The following CCDC171 variants were observed in gnomAD, a reference collection of about 807,000 sequenced individuals.
The protein encoded by CCDC171 is coiled-coil domain containing 171.
A neutral mutation model predicts 168.2 loss-of-function variants in CCDC171; 177 were observed. The ratio of observed to expected loss-of-function variants is 1.05; its 90% CI spans 0.93 to 1.19. The LOEUF is 1.19. Ranked by LOEUF, CCDC171 falls within the 50% of genes most tolerant of loss-of-function variation. The probability of loss-of-function intolerance (pLI) is 0.00; values close to 1 mark genes in which losing one functional copy is unlikely to be tolerated. For synonymous variants in CCDC171, 687 were observed against 540.8 expected (o/e 1.27, Z -3.75); for missense variants, 1,991 against 1,539.0 (o/e 1.29, Z -4.91).
intron 2 of CCDC171, among the ~76,000 whole-genome samples, 160 bp from the exon 3 acceptor site, chr9:15,571,464 C>G (rs1033006278): frequency 2.0e-5 from 3 of 152,064 alleles, no homozygotes; most frequent in Admixed American, 1.3e-4. Flanking sequence ...TTCTACATAG[C>G]TTTTGCAGTG....
intron 3 of CCDC171, 67 bp from the exon 4 acceptor site, chr9:15,578,782 C>A: frequency 7.7e-7 from 1 of 1,302,160 alleles, no homozygotes; most frequent in Non-Finnish European, 1.1e-6. Context: ...CTCTAAGAAA[C>A]TTAAATGTTT....
At chr9:15,913,692 A>T (rs1824054224) in intron 24 of CCDC171, among the ~76,000 whole-genome samples, 1 of 152,050 alleles carries the variant, frequency 6.6e-6, no homozygotes, top group Non-Finnish European at 1.5e-5. Flanking sequence ...CTTGCTGGCG[A>T]GGAGTTGTGA....
chr9:15,910,869 C>G (rs1292521452), intron 24 of CCDC171, among the ~76,000 whole-genome samples: 1 of 152,134 alleles, frequency 6.6e-6, no homozygotes, highest in Admixed American at 6.5e-5. Context: ...CTGCAGAGGA[C>G]ATGAAATCAT....
chr9:15,668,031 G>C (rs1413330959), intron 9 of CCDC171, among the ~76,000 whole-genome samples: 2 of 152,082 alleles, frequency 1.3e-5, no homozygotes, highest in African/African-American at 4.8e-5. Flanking sequence ...TATTTGAAAG[G>C]CTTTTATGTA....
intron 6 of CCDC171, among the ~76,000 whole-genome samples, chr9:16,030,584 T>C (rs942114873): frequency 2.6e-5 from 4 of 152,176 alleles, no homozygotes; most frequent in Non-Finnish European, 5.9e-5. Flanking sequence ...GTATGGTATG[T>C]TAAGGACAAA....
At chr9:15,635,534 C>G (rs1030009075) in intron 7 of CCDC171, among the ~76,000 whole-genome samples, 1 of 152,130 alleles carries the variant, frequency 6.6e-6, no homozygotes, top group Non-Finnish European at 1.5e-5. Flanking sequence ...CTGCTTTATT[C>G]TAGCCATGCT....
At chr9:15,560,598 C>G (rs921479338) in intron 1 of CCDC171, among the ~76,000 whole-genome samples, 3 of 152,140 alleles carry the variant, frequency 2.0e-5, no homozygotes, top group African/African-American at 4.8e-5. Context: ...AGGGATTTCT[C>G]TACACTGTTT....
chr9:16,100,223 A>C, the CCDC171 span, among the ~76,000 whole-genome samples: 1 of 152,270 alleles, frequency 6.6e-6, no homozygotes, highest in South Asian at 2.1e-4. Flanking sequence ...GAGAGGAAAA[A>C]CCTAAAAAGG....
At chr9:16,024,846 A>G (rs180908356) in intron 6 of CCDC171, among the ~76,000 whole-genome samples, 47 of 152,362 alleles carry the variant, frequency 3.1e-4, no homozygotes, top group African/African-American at 9.6e-4. Context: ...ACTCAGAGAT[A>G]GTATCCTGGG....
chr9:15,845,740 T>C (rs1017375194), intron 21 of CCDC171: 7 of 152,096 alleles, frequency 4.6e-5, no homozygotes, highest in African/African-American at 1.7e-4. Context: ...CCAACAAATT[T>C]AATAAAAAAC....
the CCDC171 span, among the ~76,000 whole-genome samples, chr9:16,096,670 C>T: frequency 2.0e-4 from 31 of 152,162 alleles, no homozygotes; most frequent in Non-Finnish European, 3.8e-4. Flanking sequence ...AGGCTACTGC[C>T]TCTGTTCAGT....
At chr9:15,673,471 A>T (rs2049278920) in intron 9 of CCDC171, among the ~76,000 whole-genome samples, 1 of 152,160 alleles carries the variant, frequency 6.6e-6, no homozygotes, top group East Asian at 1.9e-4. Flanking sequence ...TCAGTATGAT[A>T]TTGGCTGTGG....
intron 18 of CCDC171, among the ~76,000 whole-genome samples, chr9:15,759,855 T>C (rs1014911644): frequency 1.2e-4 from 19 of 152,356 alleles, no homozygotes; most frequent in African/African-American, 4.1e-4. Flanking sequence ...TAATTATTTG[T>C]ATATTCCATA....
Position 15,784,636 on chromosome 9 carries a change from T to C in CCDC171, c.3209T>C (p.Leu1070Pro). Residue 1070 changes from leucine to proline, a missense_variant, in exon 21 of 26, where the codon CTT (leucine) becomes CCT (proline). Leu to Pro is a moderately conservative substitution (Grantham distance 98). Transcript: ENST00000380701. ...AQQLQELNYK[L>P]ELHSSEEADK... is the part of the protein sequence containing the mutation. ...CAACTACAGGAATTGAATTATAAACTTGAATTGCACTCCAGTGAGGAAGCT... is the reference window on the plus strand; with the variant it reads ...CAACTACAGGAATTGAATTATAAACCTGAATTGCACTCCAGTGAGGAAGCT... The C allele has an allele frequency of 6.2e-7, 1 of 1,613,462 alleles. No homozygotes were observed. Among genetic ancestry groups the C allele is most frequent in the South Asian group, 1.1e-5 (1 of 91,018 alleles).
chr9:15,993,213 A>G (rs1832257460), intron 3 of CCDC171, among the ~76,000 whole-genome samples: 1 of 151,820 alleles, frequency 6.6e-6, no homozygotes, highest in African/African-American at 2.4e-5. Context: ...GGCTACAGTA[A>G]GCAAAACAGC....
At chr9:15,673,336 G>C (rs140582046) in intron 9 of CCDC171, among the ~76,000 whole-genome samples, 1,572 of 152,148 alleles carry the variant, frequency 0.01, 28 homozygotes, top group African/African-American at 0.036. Flanking sequence ...AATTGAATAC[G>C]CTTTATTTCT....
At chr9:15,771,390 G>A (rs1362610199) in intron 18 of CCDC171, among the ~76,000 whole-genome samples, 6 of 152,034 alleles carry the variant, frequency 3.9e-5, no homozygotes, top group Non-Finnish European at 8.8e-5. Flanking sequence ...AATGTAAAAG[G>A]CAAAAGACAT....
chr9:15,859,480 GT>G (rs34787813), intron 23 of CCDC171, among the ~76,000 whole-genome samples: 4 of 151,592 alleles, frequency 2.6e-5, no homozygotes, highest in African/African-American at 9.7e-5. Context: ...TTATTTAATT[GT>G]TTTATAGAAT....
chr9:15,991,628 A>T (rs571288530), intron 3 of CCDC171, among the ~76,000 whole-genome samples: 5 of 152,190 alleles, frequency 3.3e-5, no homozygotes, highest in Admixed American at 6.5e-5. Flanking sequence ...TCAAAAAATC[A>T]ATGAATCCAG....
Sources: allele counts gnomAD v4.1 joint callset (sites outside exome capture counted in the v4.1 genomes callset), GRCh38; gene constraint gnomAD v4.1.1; transcripts MANE v1.5; gene names NCBI Gene and HGNC (gene_info 2026-07-23, HGNC 2026-07-21).